OPRM1: variants seen among roughly 807,000 people sequenced by gnomAD.
OPRM1 encodes mu-type opioid receptor.
OPRM1 carries 27 observed loss-of-function variants against 31.8 expected under a neutral mutation model. The observed-to-expected ratio is 0.85, with a 90% CI of 0.63 to 1.17. The LOEUF is 1.17. Ranked by LOEUF, OPRM1 falls within the 50% of genes most tolerant of loss-of-function variation. OPRM1 has a pLI of 0.00. For missense variants in OPRM1, 536 were observed against 511.1 expected (o/e 1.05, Z -0.47); for synonymous variants, 196 against 189.9 (o/e 1.03, Z -0.26).
chr6:154,067,226 T>C (rs917843712), intron 1 of OPRM1, among the ~76,000 whole-genome samples: 1 of 152,062 alleles, frequency 6.6e-6, no homozygotes, highest in African/African-American at 2.4e-5. Flanking sequence ...CTTTGTTCTT[T>C]CTCTAGTTCC....
chr6:154,161,354 G>A (rs889690184), intron 3 of OPRM1, among the ~76,000 whole-genome samples: 3 of 151,890 alleles, frequency 2.0e-5, no homozygotes, highest in Non-Finnish European at 2.9e-5. Flanking sequence ...GGGATTACAG[G>A]CATGCACCAC....
intron 3 of OPRM1, among the ~76,000 whole-genome samples, chr6:154,195,205 T>C (rs544325982): frequency 2.0e-5 from 3 of 148,606 alleles, no homozygotes; most frequent in Non-Finnish European, 4.4e-5. Context: ...TGGAGTGCAG[T>C]GGCACGATCT....
At chr6:154,093,188 T>C in intron 3 of OPRM1, 2 of 1,219,126 alleles carry the variant, frequency 1.6e-6, no homozygotes, top group Middle Eastern at 2.0e-4. Flanking sequence ...CAGCTAAGGA[T>C]AAAATATTTT....
At chr6:154,164,256 T>A (rs1799248983) in intron 3 of OPRM1, among the ~76,000 whole-genome samples, 1 of 152,186 alleles carries the variant, frequency 6.6e-6, no homozygotes, top group African/African-American at 2.4e-5. Flanking sequence ...GCTAATAAAA[T>A]TTTTAGAACA....
Position 154,191,353 on chromosome 6 carries a change from T to C in OPRM1, c.1165-55340T>C, listed in dbSNP as rs529550950. On this transcript the variant is annotated intron_variant, in intron 3 of 3. Transcript: ENST00000337049. ...GACGTTATACATTTGTCAAAACCCA[T>C]AGAACTGTATGACATAACGACATAA... Among the ~76,000 whole-genome samples the C allele has an allele frequency of 6.6e-5, 10 of 152,132 alleles. No homozygotes were observed. In the South Asian group the frequency reaches 1.4e-3, roughly 22 times the overall value.
At chr6:154,109,280 G>A (rs773890722) in intron 3 of OPRM1, among the ~76,000 whole-genome samples, 6 of 152,116 alleles carry the variant, frequency 3.9e-5, no homozygotes, top group Admixed American at 6.5e-5. Context: ...AACATAGCCC[G>A]ACTTATTAAA....
intron 1 of OPRM1, among the ~76,000 whole-genome samples, chr6:154,046,083 A>T (rs1318897156): frequency 6.6e-6 from 1 of 152,186 alleles, no homozygotes; most frequent in East Asian, 1.9e-4. Flanking sequence ...TTATTTTATA[A>T]TTGGTGACTA....
chr6:154,010,673 G>A lies in OPRM1; in HGVS notation c.-346G>A, dbSNP rs924993155. On this transcript the variant is annotated 5_prime_UTR_variant, in exon 1 of 6. Transcript: ENST00000434900. ...AACTCACTGGAAGATAGGAAAGCAA[G>A]CATGAAAAAGCAGCCGGGTCAGACA... 2.6e-5 allele frequency: 38 copies of A among 1,461,758 alleles called. No homozygotes were observed. The African/African-American group carries it at 3.3e-4, about 13-fold the overall frequency. 90.5% of individuals were successfully genotyped at this position (1,461,758 alleles called of 1,614,324 possible).
chr6:154,167,244 T>TG (rs1157703711), intron 3 of OPRM1, among the ~76,000 whole-genome samples: 1 of 152,240 alleles, frequency 6.6e-6, no homozygotes, highest in African/African-American at 2.4e-5. Context: ...AATCTAAATG[T>TG]GAAAGCAGGA....
intron 1 of OPRM1, among the ~76,000 whole-genome samples, chr6:154,015,631 A>T (rs2128377678): frequency 6.6e-6 from 1 of 152,248 alleles, no homozygotes; most frequent in Non-Finnish European, 1.5e-5. Context: ...TCCAGAAGTA[A>T]TACAGGAAAA....
chr6:154,152,676 T>A (rs1367501045), intron 3 of OPRM1, among the ~76,000 whole-genome samples: 6 of 150,356 alleles, frequency 4.0e-5, no homozygotes, highest in Non-Finnish European at 7.4e-5. Flanking sequence ...CCTGATCTGA[T>A]AATTAAAATA....
At chr6:154,024,788 C>G (rs917866196) in intron 1 of OPRM1, among the ~76,000 whole-genome samples, 3 of 151,568 alleles carry the variant, frequency 2.0e-5, no homozygotes, top group Non-Finnish European at 4.4e-5. Flanking sequence ...TCCTTAATTT[C>G]TTCATTAACT....
chr6:154,082,102 G>T (rs1305988072), intron 1 of OPRM1, among the ~76,000 whole-genome samples: 1 of 152,082 alleles, frequency 6.6e-6, no homozygotes, highest in Non-Finnish European at 1.5e-5. Flanking sequence ...TAGTGAACTG[G>T]CACAGCAAAA....
chr6:154,069,529 G>A lies in OPRM1; in HGVS notation c.291-20297G>A, dbSNP rs368792718. ...TGGGATTACAGGCATGAGCCACCGC[G>A]CCGAGCCCTGGCCTGTGCTTTTAAG... On this transcript the variant is annotated intron_variant, in intron 1 of 3. Transcript: ENST00000330432. Among the ~76,000 whole-genome samples, 11 of 152,310 alleles carry A rather than the reference G, an allele frequency of 7.2e-5. No individual in the cohort carries two copies. In the East Asian group the frequency reaches 1.2e-3, roughly 16 times the overall value.
chr6:154,219,452 C>A (rs917557364), intron 3 of OPRM1, among the ~76,000 whole-genome samples: 2 of 152,018 alleles, frequency 1.3e-5, no homozygotes, highest in African/African-American at 4.8e-5. Flanking sequence ...AGGGGAGAGG[C>A]GGGCAGCACT....
At chr6:154,032,668 AAGT>A (rs1474142176) in intron 1 of OPRM1, among the ~76,000 whole-genome samples, 1 of 152,170 alleles carries the variant, frequency 6.6e-6, no homozygotes, top group Non-Finnish European at 1.5e-5. Context: ...TCCTGGGTTC[AAGT>A]AATCCTCCCA....
In OPRM1 at chr6:154,118,254, C is replaced by A. The variant is rs546393658; in HGVS notation, c.1165-429C>A. ...TTGAGAATTGGGTAAAAATAGAAAT[C>A]TCTTTATCTGGAAATAAATAAGATC... is the stretch of plus-strand genomic sequence containing the variant. On this transcript the variant is annotated intron_variant, in intron 3 of 3. Coordinates refer to ENST00000330432, the MANE Select transcript of OPRM1 (RefSeq NM_000914.5). Among the ~76,000 whole-genome samples, 14 of 152,070 alleles carry A rather than the reference C, an allele frequency of 9.2e-5. No homozygotes were observed. In the East Asian group the frequency reaches 1.5e-3, roughly 17 times the overall value.
chr6:154,081,264 G>A (rs949253736), intron 1 of OPRM1, among the ~76,000 whole-genome samples: 4 of 152,198 alleles, frequency 2.6e-5, no homozygotes, highest in African/African-American at 9.7e-5. Flanking sequence ...AGCACTTTGG[G>A]AGGCCGAGGC....
At position 154,126,986 on chromosome 6, in the gene OPRM1, G is replaced by A. The variant is rs1459322425; in HGVS notation, c.*8265G>A. The stretch of plus-strand genomic sequence containing the variant: ...TAGGAAGGCGTGGTGGTGCACGCCT[G>A]TAATCCCAGCTAGTCGGGAGGCTGA... On this transcript the variant is annotated 3_prime_UTR_variant, in exon 4 of 4. Coordinates refer to ENST00000330432, the MANE Select transcript of OPRM1 (RefSeq NM_000914.5). Among the ~76,000 whole-genome samples the A allele has an allele frequency of 6.6e-6, 1 of 152,044 alleles. No homozygotes were observed. The highest frequency in any genetic ancestry group is 1.9e-4 in the East Asian group (1 of 5,186).
Sources: gnomAD v4.1 joint callset for allele counts (sites outside exome capture counted in the v4.1 genomes callset) on GRCh38, gnomAD v4.1.1 for gene constraint, MANE v1.5 for transcripts, NCBI Gene and HGNC (gene_info 2026-07-23, HGNC 2026-07-21) for gene names.